SNX24: variants seen among roughly 807,000 people sequenced by gnomAD.
The protein encoded by SNX24 is sorting nexin 24.
SNX24 carries 22 observed loss-of-function variants against 28.7 expected under a neutral mutation model. That is an observed-to-expected ratio of 0.77 (90% CI 0.55 to 1.10). The LOEUF (loss-of-function observed/expected upper bound fraction) is 1.10. Among genes scored for constraint, SNX24 ranks in the 50% least tolerant of loss-of-function variants. The pLI is 0.00. For synonymous variants in SNX24, 69 were observed against 71.5 expected, an observed-to-expected ratio of 0.96 and a Z score of 0.18; for missense variants, 221 against 201.1, an observed-to-expected ratio of 1.10 and a Z score of -0.60.
chr5:123,021,587 A>T (rs1435481889), intron 5 of SNX24, among the ~76,000 whole-genome samples: 1 of 152,190 alleles, frequency 6.6e-6, no homozygotes, highest in Non-Finnish European at 1.5e-5. Context: ...GGGTTTCCTG[A>T]TAAGGACTGC....
intron 1 of SNX24, among the ~76,000 whole-genome samples, chr5:122,867,370 T>C (rs1177696624): frequency 6.6e-6 from 1 of 152,092 alleles, no homozygotes. Flanking sequence ...GTATCCAGAG[T>C]AAATGTGTAT....
chr5:122,955,647 G>T (rs1760172437), intron 3 of SNX24, among the ~76,000 whole-genome samples: 1 of 152,264 alleles, frequency 6.6e-6, no homozygotes, highest in Non-Finnish European at 1.5e-5. Flanking sequence ...GGTAAGGCTT[G>T]CTCCTCATTA....
In SNX24 at chr5:122,960,492, A is replaced by C. The variant is rs577342798; in HGVS notation, c.249+14333A>C. ...TTATAAATTTGACATTTTATTATTA[A>C]ATTTCCTAAAATTTCTATTTTATGG... On this transcript the variant is annotated intron_variant, in intron 3 of 6. Transcript: ENST00000261369. 1.8e-3 allele frequency among the ~76,000 whole-genome samples: 273 copies of C among 152,272 alleles called. 2 individuals are homozygous for C. Among genetic ancestry groups the C allele is most frequent in the African/African-American group, 6.4e-3 (265 of 41,560 alleles).
intron 1 of SNX24, among the ~76,000 whole-genome samples, chr5:122,915,059 T>G (rs171546): frequency 0.17 from 26,334 of 152,068 alleles, 2,796 homozygotes; most frequent in East Asian, 0.48. Flanking sequence ...GATTTCAGGG[T>G]TTTTTTAGAC....
At chr5:122,901,052 T>C (rs1561568692) in intron 1 of SNX24, among the ~76,000 whole-genome samples, 1 of 151,914 alleles carries the variant, frequency 6.6e-6, no homozygotes, top group African/African-American at 2.4e-5. Context: ...AATACAAAAA[T>C]TAGCTGGGTG....
At chr5:123,019,361 T>A (rs1265713115) in intron 5 of SNX24, among the ~76,000 whole-genome samples, 2 of 151,948 alleles carry the variant, frequency 1.3e-5, no homozygotes, top group Non-Finnish European at 2.9e-5. Context: ...TTTCTTCAGC[T>A]CTCTGGATTA....
At chr5:122,853,757 G>A (rs1755045849) in intron 1 of SNX24, 1 of 340,704 alleles carries the variant, frequency 2.9e-6, no homozygotes, top group Non-Finnish European at 6.0e-6. Flanking sequence ...CAAGATGCTG[G>A]CATTACAGCC....
At chr5:122,966,083 G>T (rs758831594) in intron 3 of SNX24, among the ~76,000 whole-genome samples, 8 of 152,010 alleles carry the variant, frequency 5.3e-5, no homozygotes, top group Non-Finnish European at 1.0e-4. Flanking sequence ...GCCAAAAACT[G>T]TTTTTTTCCA....
chr5:122,940,792 C>T lies in SNX24; in HGVS notation c.144+3975C>T, dbSNP rs532801373. On this transcript the variant is annotated intron_variant, in intron 2 of 6. Coordinates refer to ENST00000261369, the MANE Select transcript of SNX24 (RefSeq NM_014035.4). ...TTCACCATGTTGGCCAGGCTGGTCT[C>T]GAACTCTTGACCTCAGGACATCCAC... Among the ~76,000 whole-genome samples, 9 of 152,290 alleles carry T rather than the reference C, an allele frequency of 5.9e-5. No individual in the cohort carries two copies. In the East Asian group the frequency reaches 1.2e-3, roughly 20 times the overall value.
chr5:122,938,690 C>A (rs1759292444), intron 2 of SNX24, among the ~76,000 whole-genome samples: 1 of 9,914 alleles, frequency 1.0e-4, no homozygotes, highest in African/African-American at 2.0e-3. Context: ...CCTGTAATCC[C>A]AGCACTTTGG....
At chr5:122,990,053 C>A (rs1450519661) in intron 3 of SNX24, among the ~76,000 whole-genome samples, 1 of 152,178 alleles carries the variant, frequency 6.6e-6, no homozygotes, top group African/African-American at 2.4e-5. Context: ...AGAGGCCAAG[C>A]CCCTCCTCCT....
At chr5:122,855,389 C>T (rs996200843) in intron 1 of SNX24, among the ~76,000 whole-genome samples, 2 of 152,148 alleles carry the variant, frequency 1.3e-5, no homozygotes, top group Non-Finnish European at 2.9e-5. Context: ...TTTCCTAAGA[C>T]AATTAAGTTT....
At chr5:122,974,922 T>TCTG (rs2150151141) in intron 3 of SNX24, among the ~76,000 whole-genome samples, 1 of 152,320 alleles carries the variant, frequency 6.6e-6, no homozygotes, top group South Asian at 2.1e-4. Context: ...CTATACCAAT[T>TCTG]CTGCATTCTG....
chr5:122,864,229 G>A (rs1246230998), intron 1 of SNX24, among the ~76,000 whole-genome samples: 1 of 152,162 alleles, frequency 6.6e-6, no homozygotes, highest in African/African-American at 2.4e-5. Context: ...TGTTAGTTCT[G>A]TAGAAGGAAG....
At position 122,964,179 on chromosome 5, in the gene SNX24, G is replaced by A. The variant is rs189709948; in HGVS notation, c.249+18020G>A. 1.5e-3 allele frequency among the ~76,000 whole-genome samples: 220 copies of A among 143,006 alleles called. 1 individual carries two copies. The highest frequency in any genetic ancestry group is 5.6e-3 in the Admixed American group (75 of 13,512). The allele number at this position is 143,006 out of a possible 152,430, so 93.8% of individuals were successfully genotyped here. ...AATCGCTTGAACCCAGGAGGTGGAG[G>A]TTGCAGTGAGCCGAGATCCTGCCAT... On this transcript the variant is annotated intron_variant, in intron 3 of 6. Coordinates refer to ENST00000261369, the MANE Select transcript of SNX24 (RefSeq NM_014035.4).
At chr5:122,933,127 G>T (rs1759032740) in intron 1 of SNX24, among the ~76,000 whole-genome samples, 1 of 152,188 alleles carries the variant, frequency 6.6e-6, no homozygotes. Context: ...GATCTCTTCA[G>T]ACCTGGCTTT....
chr5:123,017,175 G>T (rs1762694369), intron 5 of SNX24, among the ~76,000 whole-genome samples: 1 of 151,892 alleles, frequency 6.6e-6, no homozygotes, highest in South Asian at 2.1e-4. Flanking sequence ...GCTTCATGGG[G>T]CCCCAGGAGT....
chr5:122,988,240 C>T (rs990364610), intron 3 of SNX24, among the ~76,000 whole-genome samples: 1 of 152,126 alleles, frequency 6.6e-6, no homozygotes, highest in Non-Finnish European at 1.5e-5. Flanking sequence ...TCTGCCCAGC[C>T]CCAGTGATGT....
chr5:122,907,110 A>C (rs566786426), intron 1 of SNX24, among the ~76,000 whole-genome samples: 1 of 152,340 alleles, frequency 6.6e-6, no homozygotes, highest in South Asian at 2.1e-4. Context: ...AAATTCTCCA[A>C]GAACTTTAAC....
Sources: gnomAD v4.1 joint callset for allele counts (sites outside exome capture counted in the v4.1 genomes callset) on GRCh38, gnomAD v4.1.1 for gene constraint, MANE v1.5 for transcripts, NCBI Gene and HGNC (gene_info 2026-07-23, HGNC 2026-07-21) for gene names.